TJP3: variants seen among roughly 807,000 people sequenced by gnomAD.
TJP3 encodes the protein tight junction protein ZO-3.
A neutral mutation model predicts 104.2 loss-of-function variants in TJP3; 85 were observed. The ratio of observed to expected loss-of-function variants is 0.82; its 90% CI spans 0.68 to 0.98. The LOEUF is 0.98. Among genes scored for constraint, TJP3 ranks in the 50% least tolerant of loss-of-function variants. The pLI is 0.00. For missense variants in TJP3, 1,367 were observed against 1,322.8 expected (o/e 1.03, Z -0.52); for synonymous variants, 550 against 550.6 (o/e 1.00, Z 0.02).
intron 1 of TJP3, among the ~76,000 whole-genome samples, chr19:3,724,564 T>C (rs568070967): frequency 3.3e-5 from 5 of 151,812 alleles, no homozygotes; most frequent in Admixed American, 3.3e-4. Flanking sequence ...TGAGACAGGG[T>C]CTTGCTCTGT....
rs1179832664 is a variant in TJP3, at chr19:3,734,247, G to T, written c.878-80G>T. ...GGTCTAGGGCCCTTTGTTTAGAGGGGTGTTGATATACCCCTCTGTAAAATG... is the reference window on the plus strand; with the variant it reads ...GGTCTAGGGCCCTTTGTTTAGAGGGTTGTTGATATACCCCTCTGTAAAATG... On this transcript the variant is annotated intron_variant, in intron 7 of 20. Coordinates refer to ENST00000541714, the MANE Select transcript of TJP3 (RefSeq NM_001267560.2). The T allele has an allele frequency of 6.3e-6, 9 of 1,422,362 alleles. No individual in the cohort carries two copies. In the African/African-American group the frequency reaches 9.9e-5, roughly 16 times the overall value. 88.1% of individuals were successfully genotyped at this position (1,422,362 alleles called of 1,614,324 possible).
In TJP3 at chr19:3,740,694, C is replaced by T. The variant is rs148288309; in HGVS notation, c.1774C>T (p.Arg592Cys). The T allele has an allele frequency of 5.1e-5, 82 of 1,606,622 alleles. No homozygotes were observed. The highest frequency in any genetic ancestry group is 4.4e-4 in the African/African-American group (33 of 74,640). Residue 592 changes from arginine (R) to cysteine (C), a missense_variant, in exon 14 of 21, where the codon CGT (arginine) becomes TGT (cysteine). Arg to Cys is a radical substitution (Grantham distance 180). Transcript: ENST00000541714. Reference sequence around the variant, plus strand: ...AGCCAAGAAGACCACTCAGCGGAGCCGTGAGGACCTCTCAGCTCTGACCCG... The same window carrying T: ...AGCCAAGAAGACCACTCAGCGGAGCTGTGAGGACCTCTCAGCTCTGACCCG... ...RGAKKTTQRS[R>C]EDLSALTRQG...
intron 1 of TJP3, among the ~76,000 whole-genome samples, chr19:3,721,024 C>T (rs1270920429): frequency 1.3e-5 from 2 of 151,792 alleles, no homozygotes; most frequent in East Asian, 1.9e-4. Flanking sequence ...TCTCCTTCCT[C>T]AGCCTCCCGA....
In TJP3 at chr19:3,733,759, G is replaced by C. The variant is rs200312524; in HGVS notation, c.724G>C (p.Gly242Arg). The stretch of plus-strand genomic sequence containing the variant: ...CATTCCTGGTCCCTTTCAGATCAAC[G>C]GGGTGTCTAGCCAGAACCTGTCACT... Reference protein sequence around the residue: ...QEGDLILQINGVSSQNLSLND... With the variant: ...QEGDLILQINRVSSQNLSLND... The change falls in exon 7 of 21, where the codon GGG (glycine) becomes CGG (arginine). Residue 242 changes from glycine to arginine, a missense_variant. Transcript: ENST00000541714. 2.3e-5 allele frequency: 37 copies of C among 1,613,964 alleles called. No homozygotes were observed. The East Asian group carries it at 7.8e-4, about 34-fold the overall frequency.
chr19:3,733,659 T>C lies in TJP3; in HGVS notation c.718-94T>C, dbSNP rs2036700254. ...CTGTTTTTAGCAACCTCTGGGGGAA[T>C]TGTCTGTTTCAAGTTCCCCCACACC... is the stretch of plus-strand genomic sequence containing the variant. On this transcript the variant is annotated intron_variant, in intron 6 of 20. Coordinates refer to ENST00000541714, the MANE Select transcript of TJP3 (RefSeq NM_001267560.2). 7.9e-6 allele frequency: 12 copies of C among 1,528,590 alleles called. 1 individual carries two copies. Among genetic ancestry groups the C allele is most frequent in the African/African-American group, 2.7e-5 (2 of 73,142 alleles). 94.7% of individuals were successfully genotyped at this position (1,528,590 alleles called of 1,614,324 possible).
rs1325515986 is a variant in TJP3 at position 3,732,015 on chromosome 19, CAGGAAGGAGATCTCATTCTACAGGTG to C, written c.698_717+6del. The C allele has an allele frequency of 1.2e-6, 2 of 1,612,880 alleles. No homozygotes were observed. ...CCTGGCTGCCCGGCACCGTGGGCTG[CAGGAAGGAGATCTCATTCTACAGGTG>C]AGGCCGGGCTTCTTGTCCTGAGAGC... On this transcript the variant is annotated splice_donor_variant and splice_donor_region_variant and coding_sequence_variant and intron_variant, in exon 6 of 21. Transcript: ENST00000541714. LOFTEE classifies it high-confidence loss of function.
chr19:3,719,053 C>G (rs527814903), intron 1 of TJP3, among the ~76,000 whole-genome samples: 10 of 151,140 alleles, frequency 6.6e-5, no homozygotes, highest in Admixed American at 5.9e-4. Flanking sequence ...GCGTGGTGGC[C>G]GGCGCCTGTA....
At chr19:3,743,903 G>C in intron 14 of TJP3, 36 bp from the exon 15 acceptor site, 1 of 1,598,356 alleles carries the variant, frequency 6.3e-7, no homozygotes, top group Non-Finnish European at 8.6e-7. Flanking sequence ...ATCGCAAATG[G>C]GACCCTGATT....
At chr19:3,712,100 G>A (rs1390418155) in intron 1 of TJP3, among the ~76,000 whole-genome samples, 1 of 152,172 alleles carries the variant, frequency 6.6e-6, no homozygotes, top group Non-Finnish European at 1.5e-5. Context: ...TGGGTCACTT[G>A]AGCCCAGGAG....
chr19:3,723,385 A>G (rs1003043442), intron 1 of TJP3, among the ~76,000 whole-genome samples: 1 of 152,210 alleles, frequency 6.6e-6, no homozygotes, highest in Non-Finnish European at 1.5e-5. Flanking sequence ...CCTGGGCCTT[A>G]AGTAGCCAGA....
chr19:3,734,231 C>A (rs1036948445), intron 7 of TJP3, 96 bp from the exon 8 acceptor site: 3 of 1,308,078 alleles, frequency 2.3e-6, no homozygotes, highest in African/African-American at 2.9e-5. Context: ...TGGTCTAGGG[C>A]CCTTTGTTTA....
rs536336878 is a variant in TJP3, at chr19:3,738,585, C to A, written c.1315C>A (p.Arg439=). The A allele has an allele frequency of 1.2e-6, 2 of 1,613,730 alleles. No individual in the cohort carries two copies. Among genetic ancestry groups the A allele is most frequent in the Non-Finnish European group, 1.7e-6 (2 of 1,179,864 alleles). ...TGACGTGCCATTCCAGAACCTGACA[C>A]GGGAGGAGGCAGTGCAGTTCCTGCT... is the stretch of plus-strand genomic sequence containing the variant. ...VNDVPFQNLT[R]EEAVQFLLGL... is the part of the protein sequence containing the mutation. Residue 439 remains arginine, a synonymous_variant, in exon 12 of 21, where the codon CGG becomes AGG. Coordinates refer to ENST00000541714, the MANE Select transcript of TJP3 (RefSeq NM_001267560.2).
At chr19:3,734,257 A>G (rs756908281) in intron 7 of TJP3, 70 bp from the exon 8 acceptor site, 1 of 1,495,044 alleles carries the variant, frequency 6.7e-7, no homozygotes. Flanking sequence ...GTGTTGATAT[A>G]CCCCTCTGTA....
At position 3,746,043 on chromosome 19, in the gene TJP3, A is replaced by T. The variant is rs1319665958; in HGVS notation, c.1972A>T (p.Ile658Phe). The T allele has an allele frequency of 1.9e-6, 3 of 1,610,150 alleles. No individual in the cohort carries two copies. The highest frequency in any genetic ancestry group is 1.7e-5 in the Admixed American group (1 of 59,552). Residue 658 changes from isoleucine (I) to phenylalanine (F), a missense_variant, in exon 16 of 21, where the codon ATC (isoleucine) becomes TTC (phenylalanine). By Grantham distance (21) the Ile-to-Phe change is conservative. Coordinates refer to ENST00000541714, the MANE Select transcript of TJP3 (RefSeq NM_001267560.2). The surrounding 1 kb of genome is among the most constrained non-coding windows in gnomAD (Gnocchi z 4.1). ...GTCCAGGACCGACAGCCCCTCCAAGATCATCAAACTAGACACCGTGCGGGT... is the reference window on the plus strand; with the variant it reads ...GTCCAGGACCGACAGCCCCTCCAAGTTCATCAAACTAGACACCGTGCGGGT... ...TVSRTDSPSK[I>F]IKLDTVRVIA...
Position 3,735,924 on chromosome 19 carries a change from G to A in TJP3, c.1116G>A (p.Met372Ile), listed in dbSNP as rs767758721. The change falls in exon 10 of 21, where the codon ATG becomes ATA. Residue 372 changes from methionine to isoleucine, a missense_variant. Physicochemically the swap from Met to Ile is conservative, Grantham distance 10. Transcript: ENST00000541714. ...DIYRVPSSQS[M>I]EDRGYSPDTR... ...ACAGAGTGCCCAGCAGTCAGAGCAT[G>A]GAGGATCGTGGGTATGTACCCCAGA... 7 of 1,614,164 alleles carry A rather than the reference G, an allele frequency of 4.3e-6. No individual in the cohort carries two copies. The Admixed American group carries it at 1.2e-4, about 27-fold the overall frequency.
Position 3,747,901 on chromosome 19 carries a change from C to G in TJP3, c.2430C>G (p.Asp810Glu), listed in dbSNP as rs368046150. ...DSRVNSDYET[D>E]GEGGAYTDGE... The stretch of plus-strand genomic sequence containing the variant: ...GCGTTAACAGCGACTACGAGACGGA[C>G]GGCGAGGGCGGCGCGTACACGGATG... Residue 810 changes from aspartate (D) to glutamate (E), a missense_variant, in exon 19 of 21, where the codon GAC becomes GAG. By Grantham distance (45) the Asp-to-Glu change is conservative (BLOSUM62 2). Coordinates refer to ENST00000541714, the MANE Select transcript of TJP3 (RefSeq NM_001267560.2). The G allele has an allele frequency of 1.2e-5, 19 of 1,613,080 alleles. No homozygotes were observed. The highest frequency in any genetic ancestry group is 1.7e-5 in the Admixed American group (1 of 59,986).
chr19:3,712,532 A>C (rs965095298), intron 1 of TJP3, among the ~76,000 whole-genome samples: 4 of 152,100 alleles, frequency 2.6e-5, no homozygotes, highest in African/African-American at 7.2e-5. Context: ...CAGGGTCAAA[A>C]CCGGGATCCC....
rs367751549 is a variant in TJP3, at chr19:3,735,946, C to T, written c.1127+11C>T. The T allele has an allele frequency of 5.0e-6, 8 of 1,613,886 alleles. No individual in the cohort carries two copies. Among genetic ancestry groups the T allele is most frequent in the African/African-American group, 2.7e-5 (2 of 74,904 alleles). On this transcript the variant is annotated intron_variant, in intron 10 of 20. Coordinates refer to ENST00000541714, the MANE Select transcript of TJP3 (RefSeq NM_001267560.2). ...CATGGAGGATCGTGGGTATGTACCC[C>T]AGAAGAAAGCAAACCCGCTCAAAAC...
At chr19:3,719,141 G>C (rs915001698) in intron 1 of TJP3, among the ~76,000 whole-genome samples, 9 of 152,058 alleles carry the variant, frequency 5.9e-5, no homozygotes, top group African/African-American at 2.2e-4. Context: ...CCGAGACTGC[G>C]CCCGGCACTC....
Sources: allele counts gnomAD v4.1 joint callset (sites outside exome capture counted in the v4.1 genomes callset), GRCh38; gene constraint gnomAD v4.1.1; non-coding constraint Gnocchi (gnomAD v3.1); transcripts MANE v1.5; gene names NCBI Gene and HGNC (gene_info 2026-07-23, HGNC 2026-07-21).